The following XKR3 variants were observed in gnomAD, a reference collection of about 807,000 sequenced individuals.
The protein encoded by XKR3 is XK related 3, also known as XK-related protein 3.
In XKR3, 27 loss-of-function variants were observed where a neutral mutation model predicts 40.3. The ratio of observed to expected loss-of-function variants is 0.67; its 90% CI spans 0.49 to 0.92. The LOEUF (loss-of-function observed/expected upper bound fraction) is 0.92. XKR3 is among the 40% of genes least tolerant of loss of function. XKR3 has a pLI of 0.00. For synonymous variants in XKR3, 193 were observed against 195.4 expected, an observed-to-expected ratio of 0.99 and a Z score of 0.10; for missense variants, 472 against 537.6, an observed-to-expected ratio of 0.88 and a Z score of 1.21.
chr22:16,805,295 C>T (rs967989967), intron 2 of XKR3, among the ~76,000 whole-genome samples: 2 of 152,066 alleles, frequency 1.3e-5, no homozygotes, highest in African/African-American at 4.8e-5. Flanking sequence ...TAGCAATGAA[C>T]GATTGAGAAT....
chr22:16,805,658 C>T (rs2060186609), intron 2 of XKR3, among the ~76,000 whole-genome samples: 1 of 152,092 alleles, frequency 6.6e-6, no homozygotes, highest in Admixed American at 6.5e-5. Flanking sequence ...ATATTATCAA[C>T]TTAATTAATT....
chr22:16,799,310 A>G (rs2060156195), intron 3 of XKR3, among the ~76,000 whole-genome samples: 1 of 149,642 alleles, frequency 6.7e-6, no homozygotes. Flanking sequence ...GCTACTCAGG[A>G]GGCTGAGTCA....
chr22:16,787,455 G>A (rs1324708550), intron 3 of XKR3, among the ~76,000 whole-genome samples: 2 of 151,816 alleles, frequency 1.3e-5, no homozygotes, highest in Non-Finnish European at 2.9e-5. Context: ...AGCCACTCAA[G>A]AGGCTGAGGC....
In XKR3 at chr22:16,799,536, T is replaced by A. The variant is rs116503368; in HGVS notation, c.589+235A>T. 1.2e-3 allele frequency among the ~76,000 whole-genome samples: 186 copies of A among 151,808 alleles called. 1 individual carries two copies. The highest frequency in any genetic ancestry group is 4.4e-3 in the African/African-American group (183 of 41,390). On this transcript the variant is annotated intron_variant, in intron 3 of 3. Transcript: ENST00000684488. ...AATATTATATCAAGCTTAATTTAAC[T>A]CTTCAGGGTCAATAAAATAAATTGC... is the stretch of plus-strand genomic sequence containing the variant.
At chr22:16,820,096 A>T (rs1203017652) in intron 1 of XKR3, among the ~76,000 whole-genome samples, 3 of 152,158 alleles carry the variant, frequency 2.0e-5, no homozygotes, top group Non-Finnish European at 2.9e-5. Context: ...GGCATGTAAA[A>T]TGGTAGGGTC....
At chr22:16,809,206 T>G (rs2146170100) in intron 1 of XKR3, among the ~76,000 whole-genome samples, 2 of 152,324 alleles carry the variant, frequency 1.3e-5, no homozygotes, top group East Asian at 3.9e-4. Context: ...TTCCTCAACT[T>G]CTTTTGTTTT....
intron 3 of XKR3, among the ~76,000 whole-genome samples, chr22:16,796,667 G>A (rs1326738520): frequency 2.6e-5 from 4 of 152,102 alleles, no homozygotes; most frequent in African/African-American, 9.7e-5. Context: ...AACACATTAA[G>A]CATCAAAAGA....
intron 3 of XKR3, 32 bp from the exon 4 acceptor site, chr22:16,784,441 A>G: frequency 6.5e-7 from 1 of 1,533,464 alleles, no homozygotes; most frequent in African/African-American, 1.4e-5. Flanking sequence ...ATGTTAGAGA[A>G]TATTTTTCAT....
At chr22:16,809,887 T>C (rs997659034) in intron 1 of XKR3, among the ~76,000 whole-genome samples, 2 of 152,080 alleles carry the variant, frequency 1.3e-5, no homozygotes, top group African/African-American at 4.8e-5. Context: ...ACCTTCCGGG[T>C]GATTGTGACT....
chr22:16,791,516 A>T (rs1483639402), intron 3 of XKR3, among the ~76,000 whole-genome samples: 3 of 151,858 alleles, frequency 2.0e-5, no homozygotes, highest in Non-Finnish European at 4.4e-5. Flanking sequence ...ATATGTACAC[A>T]GAATGGATAT....
intron 3 of XKR3, among the ~76,000 whole-genome samples, chr22:16,788,174 A>T (rs1198828576): frequency 6.6e-6 from 1 of 152,184 alleles, no homozygotes; most frequent in Non-Finnish European, 1.5e-5. Context: ...ATGAAAATTA[A>T]ATTACATACT....
chr22:16,813,101 G>A (rs1049908686), intron 1 of XKR3, among the ~76,000 whole-genome samples: 3 of 152,016 alleles, frequency 2.0e-5, no homozygotes, highest in Admixed American at 6.6e-5. Context: ...TGGTTAACAC[G>A]GTGAAACCCC....
At chr22:16,814,083 G>T (rs1251357843) in intron 1 of XKR3, among the ~76,000 whole-genome samples, 2 of 152,078 alleles carry the variant, frequency 1.3e-5, no homozygotes, top group Non-Finnish European at 2.9e-5. Flanking sequence ...TGTGTTTTTG[G>T]TTACATATTG....
intron 1 of XKR3, among the ~76,000 whole-genome samples, chr22:16,821,254 T>C (rs972200721): frequency 1.3e-5 from 2 of 152,152 alleles, no homozygotes; most frequent in Non-Finnish European, 1.5e-5. Context: ...TTAAGCAACT[T>C]TACTTGCTTT....
In XKR3 at chr22:16,785,759, A is replaced by T. The variant is rs1427908688; in HGVS notation, c.590-1350T>A. Among the ~76,000 whole-genome samples the T allele has an allele frequency of 2.8e-4, 43 of 152,174 alleles. No homozygotes were observed. In the East Asian group the frequency reaches 7.8e-3, roughly 28 times the overall value. On this transcript the variant is annotated intron_variant, in intron 3 of 3. Transcript: ENST00000684488. ...GATACTCGAGAGGCTGAGGCAGGGC[A>T]ATTACTTGAACCCAGGAGGCAGAGG...
chr22:16,802,007 T>C (rs2060171367), intron 2 of XKR3, among the ~76,000 whole-genome samples: 1 of 152,204 alleles, frequency 6.6e-6, no homozygotes. Context: ...AGTAACACCA[T>C]TCTTTAAACA....
At chr22:16,784,571 G>A (rs2060082101) in intron 3 of XKR3, among the ~76,000 whole-genome samples, 162 bp from the exon 4 acceptor site, 1 of 152,078 alleles carries the variant, frequency 6.6e-6, no homozygotes, top group Non-Finnish European at 1.5e-5. Flanking sequence ...CATTTTCAGG[G>A]ATACAGTAAG....
At chr22:16,787,434 C>A (rs1280378014) in intron 3 of XKR3, among the ~76,000 whole-genome samples, 1 of 151,814 alleles carries the variant, frequency 6.6e-6, no homozygotes, top group Non-Finnish European at 1.5e-5. Context: ...TTGGTGGACG[C>A]CTGTAATCCC....
At chr22:16,795,570 G>T (rs1488740779) in intron 3 of XKR3, among the ~76,000 whole-genome samples, 1 of 151,982 alleles carries the variant, frequency 6.6e-6, no homozygotes, top group Non-Finnish European at 1.5e-5. Context: ...ATGAAACTGA[G>T]ATGCAAAATA....
Sources: gnomAD v4.1 joint callset for allele counts (sites outside exome capture counted in the v4.1 genomes callset) on GRCh38, gnomAD v4.1.1 for gene constraint, MANE v1.5 for transcripts, NCBI Gene and HGNC (gene_info 2026-07-23, HGNC 2026-07-21) for gene names.